The following CNTNAP2 variants were observed in gnomAD, a reference collection of about 807,000 sequenced individuals.
The protein encoded by CNTNAP2 is contactin-associated protein-like 2.
Under a neutral mutation model 155.2 loss-of-function variants are expected in CNTNAP2, and 98 were observed. The ratio of observed to expected loss-of-function variants is 0.63; its 90% CI spans 0.54 to 0.75. The LOEUF is 0.75. Among genes scored for constraint, CNTNAP2 ranks in the 30% least tolerant of loss-of-function variants. CNTNAP2 has a pLI of 0.00. For missense variants in CNTNAP2, 1,727 were observed against 1,688.1 expected (o/e 1.02, Z -0.40); for synonymous variants, 651 against 631.2 (o/e 1.03, Z -0.47).
chr7:147,264,461 G>A (rs1280709927), intron 8 of CNTNAP2, among the ~76,000 whole-genome samples: 3 of 151,852 alleles, frequency 2.0e-5, no homozygotes, highest in African/African-American at 4.8e-5. Flanking sequence ...AAAATTTCAG[G>A]AAGTGAGGGG....
At chr7:148,009,613 AAGGACTG>A (rs1384149103) in intron 15 of CNTNAP2, among the ~76,000 whole-genome samples, 2 of 152,092 alleles carry the variant, frequency 1.3e-5, no homozygotes, top group African/African-American at 4.8e-5. Flanking sequence ...TGTGCAAAGC[AAGGACTG>A]CCTCTTTGTG....
At chr7:148,388,144 TTTTTG>T (rs1207759543) in intron 22 of CNTNAP2, among the ~76,000 whole-genome samples, 3 of 152,180 alleles carry the variant, frequency 2.0e-5, no homozygotes, top group South Asian at 4.1e-4. Context: ...CTTTTATTCC[TTTTTG>T]TTTTATTATT....
At chr7:146,794,772 C>G (rs534602715) in intron 2 of CNTNAP2, among the ~76,000 whole-genome samples, 1 of 152,130 alleles carries the variant, frequency 6.6e-6, no homozygotes, top group Non-Finnish European at 1.5e-5. Flanking sequence ...ATTATTCATT[C>G]AGAAAAACAA....
chr7:147,259,369 T>C (rs1804405068), intron 8 of CNTNAP2, among the ~76,000 whole-genome samples: 1 of 152,216 alleles, frequency 6.6e-6, no homozygotes, highest in African/African-American at 2.4e-5. Flanking sequence ...CTGTCATCTG[T>C]TAATATTAAT....
chr7:146,663,883 A>G (rs994200551), intron 1 of CNTNAP2, among the ~76,000 whole-genome samples: 4 of 150,016 alleles, frequency 2.7e-5, no homozygotes, highest in African/African-American at 1.0e-4. Flanking sequence ...TTGTAGAGTT[A>G]TTACATTGAT....
chr7:147,471,675 T>C (rs1159997612), intron 10 of CNTNAP2, among the ~76,000 whole-genome samples: 1 of 152,226 alleles, frequency 6.6e-6, no homozygotes, highest in Non-Finnish European at 1.5e-5. Context: ...TACTCAGAAC[T>C]TCTTCAACCA....
At chr7:147,758,098 C>T (rs544223785) in intron 13 of CNTNAP2, among the ~76,000 whole-genome samples, 38 of 152,220 alleles carry the variant, frequency 2.5e-4, no homozygotes, top group Middle Eastern at 3.4e-3. Context: ...GAATCAAACA[C>T]GGAAAAGAAG....
chr7:147,911,861 G>T (rs892848523), intron 14 of CNTNAP2, among the ~76,000 whole-genome samples: 2 of 152,096 alleles, frequency 1.3e-5, no homozygotes, highest in Non-Finnish European at 2.9e-5. Context: ...TTTGCCAAGG[G>T]ACACTTTTAT....
intron 12 of CNTNAP2, among the ~76,000 whole-genome samples, chr7:147,569,477 T>C (rs1409401213): frequency 6.6e-6 from 1 of 152,236 alleles, no homozygotes; most frequent in African/African-American, 2.4e-5. Context: ...TATAAGATTA[T>C]AATGGTGTAT....
At chr7:147,963,092 T>C (rs1801140596) in intron 14 of CNTNAP2, among the ~76,000 whole-genome samples, 1 of 152,144 alleles carries the variant, frequency 6.6e-6, no homozygotes, top group East Asian at 1.9e-4. Flanking sequence ...TCAAGTTCTA[T>C]GGCTACAAAA....
intron 1 of CNTNAP2, among the ~76,000 whole-genome samples, chr7:146,761,967 A>G (rs1037796413): frequency 6.6e-6 from 1 of 152,184 alleles, no homozygotes; most frequent in Admixed American, 6.5e-5. Flanking sequence ...TATATTTAAG[A>G]AAGATATAGT....
intron 10 of CNTNAP2, among the ~76,000 whole-genome samples, chr7:147,463,972 A>AG (rs1798068641): frequency 6.6e-6 from 1 of 150,670 alleles, no homozygotes; most frequent in African/African-American, 2.4e-5. Context: ...AAAAAAAAAA[A>AG]AAAAAAAAGA....
intron 13 of CNTNAP2, among the ~76,000 whole-genome samples, chr7:147,790,455 C>G (rs1346222902): frequency 6.6e-6 from 1 of 152,110 alleles, no homozygotes; most frequent in African/African-American, 2.4e-5. Context: ...TGATTTTTAA[C>G]CTCTGGAGAT....
intron 16 of CNTNAP2, among the ~76,000 whole-genome samples, chr7:148,139,697 G>A (rs1360980167): frequency 1.3e-5 from 2 of 151,946 alleles, no homozygotes; most frequent in Admixed American, 1.3e-4. Context: ...CCTCTATCAT[G>A]CCCAGCTAAT....
intron 13 of CNTNAP2, among the ~76,000 whole-genome samples, chr7:147,881,187 A>AATAG: frequency 6.6e-6 from 1 of 152,336 alleles, no homozygotes; most frequent in East Asian, 1.9e-4. Flanking sequence ...CATAGACACA[A>AATAG]ATAGATACAT....
intron 13 of CNTNAP2, among the ~76,000 whole-genome samples, chr7:147,662,601 C>T (rs76579938): frequency 0.1 from 15,382 of 152,132 alleles, 930 homozygotes; most frequent in Middle Eastern, 0.17. Flanking sequence ...TGTATGGGTG[C>T]GAGTGAGTGA....
intron 1 of CNTNAP2, among the ~76,000 whole-genome samples, chr7:146,509,323 A>G (rs1025127078): frequency 4.6e-5 from 7 of 152,124 alleles, no homozygotes; most frequent in African/African-American, 1.7e-4. Context: ...GCAATTGCTG[A>G]TGGAGGGAGG....
Position 147,128,680 on chromosome 7 carries a change from C to A in CNTNAP2, c.940-13C>A, listed in dbSNP as rs774172418. 2.5e-6 allele frequency: 4 copies of A among 1,611,888 alleles called. No individual in the cohort carries two copies. The highest frequency in any genetic ancestry group is 2.2e-5 in the East Asian group (1 of 44,694). Reference sequence around the variant, plus strand: ...CAATGTGGACGTTTACATTTAATTTCTTTTTCTCAAAGATAACCTTTGGAG... The same window carrying A: ...CAATGTGGACGTTTACATTTAATTTATTTTTCTCAAAGATAACCTTTGGAG... On this transcript the variant is annotated splice_polypyrimidine_tract_variant and intron_variant, in intron 6 of 23. Coordinates refer to ENST00000361727, the MANE Select transcript of CNTNAP2 (RefSeq NM_014141.6).
intron 13 of CNTNAP2, among the ~76,000 whole-genome samples, chr7:147,810,210 A>G (rs143667782): frequency 0.017 from 2,595 of 150,790 alleles, 97 homozygotes; most frequent in East Asian, 0.15. Flanking sequence ...ATTGATATAT[A>G]TCATATATAT....
Sources: gnomAD v4.1 joint callset for allele counts (sites outside exome capture counted in the v4.1 genomes callset) on GRCh38, gnomAD v4.1.1 for gene constraint, MANE v1.5 for transcripts, NCBI Gene and HGNC (gene_info 2026-07-23, HGNC 2026-07-21) for gene names.